The following POLB variants were observed in gnomAD, a reference collection of about 807,000 sequenced individuals.
POLB encodes 5'-dRP lyase.
POLB carries 37 observed loss-of-function variants against 52.7 expected under a neutral mutation model. The observed-to-expected ratio is 0.70, with a 90% CI of 0.54 to 0.92. The LOEUF is 0.92. Among genes scored for constraint, POLB ranks in the 40% least tolerant of loss-of-function variants. The pLI is 0.00. For synonymous variants in POLB, 138 were observed against 131.3 expected (o/e 1.05, Z -0.35); for missense variants, 313 against 400.8 (o/e 0.78, Z 1.87).
chr8:42,338,879 C>A, intron 1 of POLB, 133 bp from the exon 2 acceptor site: 1 of 952,990 alleles, frequency 1.0e-6, no homozygotes, highest in Non-Finnish European at 1.7e-6. Context: ...ATCGCTTGGG[C>A]TGCTTTTGGT....
At chr8:42,361,112 C>T (rs1680980924) in intron 9 of POLB, 183 bp from the exon 10 acceptor site, 1 of 694,902 alleles carries the variant, frequency 1.4e-6, no homozygotes, top group African/African-American at 1.8e-5. Context: ...CTGTCTACAT[C>T]AATACACCTG....
At position 42,342,014 on chromosome 8, in the gene POLB, A is replaced by G. The variant is rs1563388817; in HGVS notation, c.120-2939A>G. On this transcript the variant is annotated intron_variant, in intron 2 of 13. Coordinates refer to ENST00000265421, the MANE Select transcript of POLB (RefSeq NM_002690.3). The stretch of plus-strand genomic sequence containing the variant: ...TTTCTTGTAAGCATCTTTATCTTCC[A>G]TTAAGTAGTGCATGTAATCTGCAAC... 1.3e-5 allele frequency: 10 copies of G among 769,934 alleles called. No individual in the cohort carries two copies. The East Asian group carries it at 1.9e-4, about 15-fold the overall frequency. 47.7% of individuals were successfully genotyped at this position (769,934 alleles called of 1,614,324 possible).
chr8:42,350,689 T>C (rs1585884712), intron 5 of POLB, among the ~76,000 whole-genome samples: 1 of 152,196 alleles, frequency 6.6e-6, no homozygotes, highest in Admixed American at 6.5e-5. Flanking sequence ...AAGGCTTTAG[T>C]GCTCTCATCT....
intron 11 of POLB, among the ~76,000 whole-genome samples, chr8:42,365,006 G>A (rs1585915895): frequency 6.6e-6 from 1 of 152,050 alleles, no homozygotes; most frequent in Non-Finnish European, 1.5e-5. Flanking sequence ...AGAATGGCTT[G>A]AGCCCAGGAG....
chr8:42,371,753 G>A lies in POLB; in HGVS notation c.*96G>A. The A allele has an allele frequency of 1.4e-6, 1 of 722,102 alleles. No homozygotes were observed. The highest frequency in any genetic ancestry group is 2.8e-5 in the East Asian group (1 of 36,240). 44.7% of individuals were successfully genotyped at this position (722,102 alleles called of 1,614,324 possible). On this transcript the variant is annotated 3_prime_UTR_variant, in exon 14 of 14. Coordinates refer to ENST00000265421, the MANE Select transcript of POLB (RefSeq NM_002690.3). ...GGGTCTTTGGTGTTTTTAAATGATT[G>A]TTTCTTCTTCATGCTTTTGCTTGCA... is the stretch of plus-strand genomic sequence containing the variant.
In POLB at chr8:42,344,240, G is replaced by A. The variant is rs922162161; in HGVS notation, c.120-713G>A. 1.5e-4 allele frequency among the ~76,000 whole-genome samples: 23 copies of A among 151,146 alleles called. No individual in the cohort carries two copies. In the East Asian group the frequency reaches 2.9e-3, roughly 19 times the overall value. On this transcript the variant is annotated intron_variant, in intron 2 of 13. Transcript: ENST00000265421. ...CTAGCTTTCTTTGGGAGGCTGAGGC[G>A]GGTGGATCACCTGAGGTCAGAGTTT...
At chr8:42,348,874 G>T in intron 3 of POLB, 142 bp from the exon 4 acceptor site, 2 of 503,708 alleles carry the variant, frequency 4.0e-6, no homozygotes, top group Non-Finnish European at 7.2e-6. Flanking sequence ...TTTTCACTGG[G>T]GTTCAATTTT....
intron 9 of POLB, among the ~76,000 whole-genome samples, chr8:42,360,511 T>C (rs1046660794): frequency 6.6e-6 from 1 of 152,146 alleles, no homozygotes; most frequent in Non-Finnish European, 1.5e-5. Flanking sequence ...GCATATGAAG[T>C]AGTTTTTAGT....
chr8:42,345,085 A>C, intron 3 of POLB, 66 bp downstream of exon 3: 3 of 1,033,396 alleles, frequency 2.9e-6, no homozygotes, highest in Non-Finnish European at 4.5e-6. Context: ...TTCCCACCAA[A>C]CCAAACTTGC....
chr8:42,369,771 T>TA (rs2130862436), intron 12 of POLB, 78 bp from the exon 13 acceptor site: 1 of 907,822 alleles, frequency 1.1e-6, no homozygotes, highest in Non-Finnish European at 1.7e-6. Context: ...TTTTGTTCCT[T>TA]ATTGATTTTA....
intron 2 of POLB, 84 bp from the exon 3 acceptor site, chr8:42,344,869 T>G (rs558241585): frequency 2.3e-5 from 19 of 809,890 alleles, no homozygotes; most frequent in South Asian, 2.3e-4. Flanking sequence ...GCATAGATAT[T>G]TGCTTGTATA....
chr8:42,344,886 C>G, intron 2 of POLB, 67 bp from the exon 3 acceptor site: 1 of 898,760 alleles, frequency 1.1e-6, no homozygotes, highest in South Asian at 1.3e-5. Flanking sequence ...TATATGTATT[C>G]CAGTTTAAGA....
intron 9 of POLB, among the ~76,000 whole-genome samples, chr8:42,358,587 GATACCTGAA>G (rs1292784090): frequency 2.6e-5 from 4 of 152,164 alleles, no homozygotes; most frequent in Non-Finnish European, 4.4e-5. Flanking sequence ...AGATAGAGTA[GATACCTGAA>G]CTGAATCTCT....
chr8:42,369,212 T>C, intron 11 of POLB, 59 bp from the exon 12 acceptor site: 6 of 1,035,502 alleles, frequency 5.8e-6, no homozygotes, highest in Non-Finnish European at 8.9e-6. Flanking sequence ...TTTTACTTGA[T>C]TAAAATTAAG....
chr8:42,343,798 T>G (rs892790269), intron 2 of POLB, among the ~76,000 whole-genome samples: 4 of 152,112 alleles, frequency 2.6e-5, no homozygotes, highest in African/African-American at 9.7e-5. Context: ...GAGTTTAAAT[T>G]CAGTTATTCT....
At chr8:42,360,218 A>G (rs370358910) in intron 9 of POLB, among the ~76,000 whole-genome samples, 9 of 151,866 alleles carry the variant, frequency 5.9e-5, no homozygotes, top group Admixed American at 2.0e-4. Flanking sequence ...TGGCCTCCCA[A>G]AGTGCTAGGA....
rs771511716 is a variant in POLB at position 42,369,303 on chromosome 8, A to G, written c.741A>G (p.Glu247=). ...GVCQLPSKND[E]KEYPHRRIDI... ...GCCAGCTTCCCAGTAAAAATGATGA[A>G]AAAGAATATCCACACAGAAGAATTG... The change falls in exon 12 of 14, where the codon GAA becomes GAG. Residue 247 remains glutamate, a synonymous_variant. Transcript: ENST00000265421. The G allele has an allele frequency of 6.3e-7, 1 of 1,594,966 alleles. No individual in the cohort carries two copies. Among genetic ancestry groups the G allele is most frequent in the Non-Finnish European group, 8.6e-7 (1 of 1,163,878 alleles).
chr8:42,369,443 T>C (rs750332077), intron 12 of POLB, 108 bp downstream of exon 12: 2 of 650,890 alleles, frequency 3.1e-6, no homozygotes, highest in East Asian at 2.8e-5. Flanking sequence ...AGCCTTTTTT[T>C]ACTCCCAAGA....
intron 2 of POLB, among the ~76,000 whole-genome samples, chr8:42,344,469 C>CA (rs1247235035): frequency 1.3e-3 from 140 of 105,334 alleles, no homozygotes; most frequent in Admixed American, 1.5e-3. Context: ...AACTCCATCT[C>CA]AAAAAAAAAA....
Sources: allele counts gnomAD v4.1 joint callset (sites outside exome capture counted in the v4.1 genomes callset), GRCh38; gene constraint gnomAD v4.1.1; transcripts MANE v1.5; gene names NCBI Gene and HGNC (gene_info 2026-07-23, HGNC 2026-07-21).